CAMSAP2: variants seen among roughly 807,000 people sequenced by gnomAD.
CAMSAP2 encodes calmodulin-regulated spectrin-associated protein 2.
Under a neutral mutation model 146.1 loss-of-function variants are expected in CAMSAP2, and 26 were observed. The ratio of observed to expected loss-of-function variants is 0.18; its 90% CI spans 0.13 to 0.25. The LOEUF is 0.25. CAMSAP2 is among the 10% of genes least tolerant of loss of function. CAMSAP2 has a pLI of 1.00. For synonymous variants in CAMSAP2, 499 were observed against 596.6 expected, an observed-to-expected ratio of 0.84 and a Z score of 2.38; for missense variants, 1,381 against 1,759.3, an observed-to-expected ratio of 0.78 and a Z score of 3.85.
chr1:200,853,446 T>C lies in CAMSAP2; in HGVS notation c.3774T>C (p.Ile1258=). The stretch of plus-strand genomic sequence containing the variant: ...AAAAAAAACAGCGACCAAAATCTAT[T>C]CACAGAGATCATATTGAATCCCCCA... The part of the protein sequence containing the change: ...VKQKKQRPKS[I]HRDHIESPKT... The change falls in exon 13 of 17, where the codon ATT becomes ATC. Residue 1258 remains isoleucine (I), a synonymous_variant. Coordinates refer to ENST00000358823, the MANE Select transcript of CAMSAP2 (RefSeq NM_203459.4). The surrounding 1 kb of genome is among the most constrained non-coding windows in gnomAD (Gnocchi z 5.1). 2 of 1,613,824 alleles carry C rather than the reference T, an allele frequency of 1.2e-6. No homozygotes were observed.
chr1:200,852,612 AAAGGAAACT>A lies in CAMSAP2; in HGVS notation c.3538_3546del (p.Lys1180_Thr1182del), dbSNP rs747209889. Reference sequence around the variant, plus strand: ...TGTTGGAGAAAAGATTAAGAAGGGAAAAGGAAACTCAGCTCCGGAAACAACAGTTGGAAG... The same window carrying A: ...TGTTGGAGAAAAGATTAAGAAGGGAACAGCTCCGGAAACAACAGTTGGAAG... On this transcript the variant is annotated inframe_deletion, in exon 12 of 17. Coordinates refer to ENST00000358823, the MANE Select transcript of CAMSAP2 (RefSeq NM_203459.4). 1 of 1,613,940 alleles carries A rather than the reference AAAGGAAACT, an allele frequency of 6.2e-7. No individual in the cohort carries two copies. The highest frequency in any genetic ancestry group is 8.5e-7 in the Non-Finnish European group (1 of 1,179,932).
At chr1:200,816,998 A>ATGTGTACCCACATACACACGTATATATG (rs1666573379) in intron 4 of CAMSAP2, among the ~76,000 whole-genome samples, 3 of 136,998 alleles carry the variant, frequency 2.2e-5, no homozygotes, top group Non-Finnish European at 4.9e-5. Context: ...ATATACATAT[A>ATGTGTACCCACATACACACGTATATATG]TGTGTACCCA....
At chr1:200,741,823 T>G (rs1664186301) in intron 1 of CAMSAP2, among the ~76,000 whole-genome samples, 1 of 152,220 alleles carries the variant, frequency 6.6e-6, no homozygotes, top group African/African-American at 2.4e-5. Context: ...CTGGATGCTT[T>G]GCAGTAAGTT....
At chr1:200,763,325 G>C (rs771966212) in intron 2 of CAMSAP2, among the ~76,000 whole-genome samples, 1 of 152,146 alleles carries the variant, frequency 6.6e-6, no homozygotes, top group East Asian at 1.9e-4. Context: ...GATCACCTGA[G>C]GTCAGGAGTT....
chr1:200,848,222 A>G lies in CAMSAP2; in HGVS notation c.1453A>G (p.Ser485Gly). The change falls in exon 11 of 17, where the codon AGC (serine) becomes GGC (glycine). Residue 485 changes from serine (S) to glycine (G), a missense_variant. Ser to Gly is a moderately conservative substitution (Grantham distance 56). This residue lies in a region of CAMSAP2 where 447 missense variants were observed against 462.2 expected (regional missense o/e 0.97). Coordinates refer to ENST00000358823, the MANE Select transcript of CAMSAP2 (RefSeq NM_203459.4). ...AATAAATGGAGAAGAGGAAGCAGAGAGCATTGAAGAAGAACTTAATATAGA... is the reference window on the plus strand; with the variant it reads ...AATAAATGGAGAAGAGGAAGCAGAGGGCATTGAAGAAGAACTTAATATAGA... ...KPINGEEEAE[S>G]IEEELNIDSH... The G allele has an allele frequency of 6.2e-7, 1 of 1,613,822 alleles. No individual in the cohort carries two copies. Among genetic ancestry groups the G allele is most frequent in the Non-Finnish European group, 8.5e-7 (1 of 1,179,828 alleles).
intron 2 of CAMSAP2, among the ~76,000 whole-genome samples, chr1:200,772,415 C>T (rs531856462): frequency 6.6e-6 from 1 of 152,236 alleles, no homozygotes; most frequent in South Asian, 2.1e-4. Context: ...TTGAGACCAG[C>T]CTGGACAACA....
chr1:200,791,284 C>T (rs150159080), intron 2 of CAMSAP2, among the ~76,000 whole-genome samples: 1 of 152,098 alleles, frequency 6.6e-6, no homozygotes, highest in African/African-American at 2.4e-5. Context: ...TTTTCTTCAG[C>T]TGCTTTTAAG....
intron 12 of CAMSAP2, 119 bp downstream of exon 12, chr1:200,852,796 C>T (rs2275194): frequency 0.12 from 133,667 of 1,102,204 alleles, 8,525 homozygotes; most frequent in African/African-American, 0.19. Context: ...TAACAGATTT[C>T]TTTCAGAGAA....
chr1:200,813,454 G>A (rs1666389951), intron 3 of CAMSAP2, among the ~76,000 whole-genome samples: 1 of 152,186 alleles, frequency 6.6e-6, no homozygotes, highest in Non-Finnish European at 1.5e-5. Context: ...ACATTTTAAT[G>A]TATTTATAGC....
At chr1:200,770,019 T>TAG (rs776580136) in intron 2 of CAMSAP2, among the ~76,000 whole-genome samples, 1 of 152,110 alleles carries the variant, frequency 6.6e-6, no homozygotes, top group Non-Finnish European at 1.5e-5. Flanking sequence ...CCAGGAACTG[T>TAG]AGATGGAAAG....
At chr1:200,827,274 T>G (rs1666929190) in intron 4 of CAMSAP2, among the ~76,000 whole-genome samples, 1 of 152,226 alleles carries the variant, frequency 6.6e-6, no homozygotes, top group Non-Finnish European at 1.5e-5. Flanking sequence ...TGGAATAACT[T>G]TAACCGTTAA....
At chr1:200,751,535 CAAA>C (rs35294926) in intron 1 of CAMSAP2, among the ~76,000 whole-genome samples, 24 of 41,590 alleles carry the variant, frequency 5.8e-4, no homozygotes, top group African/African-American at 1.9e-3. Context: ...GACTCCATCT[CAAA>C]AAAAAAAAAA....
intron 2 of CAMSAP2, among the ~76,000 whole-genome samples, chr1:200,764,812 G>T (rs532260407): frequency 3.9e-5 from 6 of 152,196 alleles, no homozygotes; most frequent in African/African-American, 1.2e-4. Context: ...TCTTTAAAAA[G>T]AAAAGATGTG....
chr1:200,812,768 AT>A (rs1309704534), intron 3 of CAMSAP2, among the ~76,000 whole-genome samples: 10 of 152,368 alleles, frequency 6.6e-5, no homozygotes, highest in Admixed American at 6.5e-4. Flanking sequence ...TGATTGAATC[AT>A]GCAGAGGTAC....
chr1:200,750,627 C>CTTTTTT (rs11342306), intron 1 of CAMSAP2, among the ~76,000 whole-genome samples: 1 of 143,022 alleles, frequency 7.0e-6, no homozygotes, highest in Admixed American at 7.0e-5. Context: ...ATAGATACAT[C>CTTTTTT]TTTTTTTTTT....
At chr1:200,740,992 GTTAAA>G in intron 1 of CAMSAP2, among the ~76,000 whole-genome samples, 1 of 152,290 alleles carries the variant, frequency 6.6e-6, no homozygotes, top group South Asian at 2.1e-4. Context: ...ATTTCCACAT[GTTAAA>G]TATAGGGTTT....
At chr1:200,833,009 G>A (rs41304544) in intron 6 of CAMSAP2, among the ~76,000 whole-genome samples, 164 bp downstream of exon 6, 25,720 of 151,740 alleles carry the variant, frequency 0.17, 2,900 homozygotes, top group East Asian at 0.35. Context: ...TTCAGTGAGC[G>A]ATGATCGTGC....
rs368387052 is a variant in CAMSAP2 at position 200,801,160 on chromosome 1, A to G, written c.400-6216A>G. Among the ~76,000 whole-genome samples, 12 of 152,058 alleles carry G rather than the reference A, an allele frequency of 7.9e-5. No individual in the cohort carries two copies. In the East Asian group the frequency reaches 2.1e-3, roughly 27 times the overall value. On this transcript the variant is annotated intron_variant, in intron 2 of 16. Transcript: ENST00000358823. ...GTGCCTATAGTCCCAGCTACTTGGGAGGCTGAGGCAGGAGAATCTCTTGAA... is the reference window on the plus strand; with the variant it reads ...GTGCCTATAGTCCCAGCTACTTGGGGGGCTGAGGCAGGAGAATCTCTTGAA...
chr1:200,783,522 G>T (rs1357838139), intron 2 of CAMSAP2, among the ~76,000 whole-genome samples: 1 of 151,984 alleles, frequency 6.6e-6, no homozygotes, highest in Non-Finnish European at 1.5e-5. Flanking sequence ...TTGCTCTGTT[G>T]TCCAGGCTGG....
Sources: allele counts gnomAD v4.1 joint callset (sites outside exome capture counted in the v4.1 genomes callset), GRCh38; gene constraint gnomAD v4.1.1; regional missense constraint gnomAD v4.1.1; non-coding constraint Gnocchi (gnomAD v3.1); transcripts MANE v1.5; gene names NCBI Gene and HGNC (gene_info 2026-07-23, HGNC 2026-07-21).